MAST4: variants seen among roughly 807,000 people sequenced by gnomAD.
The protein encoded by MAST4 is microtubule associated serine/threonine kinase family member 4, also known as microtubule-associated serine/threonine-protein kinase 4.
MAST4 carries 89 observed loss-of-function variants against 162.7 expected under a neutral mutation model. That is an observed-to-expected ratio of 0.55 (90% CI 0.46 to 0.65). The LOEUF (loss-of-function observed/expected upper bound fraction) is 0.65. Ranked by LOEUF, MAST4 falls within the 30% of genes least tolerant of loss-of-function variation. The probability of loss-of-function intolerance (pLI) is 0.00; values close to 1 mark genes in which losing one functional copy is unlikely to be tolerated. For synonymous variants in MAST4, 1,479 were observed against 1,361.1 expected (o/e 1.09, Z -1.91); for missense variants, 3,153 against 3,374.0 (o/e 0.93, Z 1.62).
At chr5:66,930,874 C>A in intron 4 of MAST4, 1 of 450,060 alleles carries the variant, frequency 2.2e-6, no homozygotes, top group South Asian at 1.6e-5. Context: ...ATTGTTGTGG[C>A]AGAACTGAGC....
At chr5:66,632,197 A>C (rs1744835028) in intron 1 of MAST4, among the ~76,000 whole-genome samples, 1 of 152,200 alleles carries the variant, frequency 6.6e-6, no homozygotes, top group Admixed American at 6.5e-5. Flanking sequence ...TGATAGTTCT[A>C]CTGTTGTCAG....
At chr5:66,985,479 G>A (rs938171882) in intron 4 of MAST4, among the ~76,000 whole-genome samples, 6 of 152,304 alleles carry the variant, frequency 3.9e-5, no homozygotes, top group African/African-American at 1.4e-4. Flanking sequence ...AGGTACGGAA[G>A]AACTTTCCTT....
In MAST4 at chr5:66,596,920, G is replaced by T; in HGVS notation, c.265G>T (p.Glu89Ter). 1.5e-6 allele frequency: 2 copies of T among 1,322,548 alleles called. No homozygotes were observed. The highest frequency in any genetic ancestry group is 1.9e-6 in the Non-Finnish European group (2 of 1,036,254). The allele number at this position is 1,322,548 out of a possible 1,614,324, so 81.9% of individuals were successfully genotyped here. A position where few individuals can be genotyped will look rare whatever the true frequency, so the allele number is the denominator to read the frequency against. Reference sequence around the variant, plus strand: ...GTGGGCTCCGGCAAGCGTGCTGCTGGAGCGCGGAGTCCTTGCGCTGCCGCC... The same window carrying T: ...GTGGGCTCCGGCAAGCGTGCTGCTGTAGCGCGGAGTCCTTGCGCTGCCGCC... ...AAWAPASVLL[E>*]RGVLALPPPL... The change falls in exon 1 of 29, where the codon GAG becomes TAG. Residue 89 changes from glutamate (E) to a stop codon, truncating the protein, a stop_gained. Coordinates refer to ENST00000403625, the MANE Select transcript of MAST4 (RefSeq NM_001164664.2). LOFTEE classifies it high-confidence loss of function.
intron 3 of MAST4, chr5:66,792,548 T>A (rs1251072439): frequency 6.6e-6 from 1 of 152,480 alleles, no homozygotes; most frequent in Non-Finnish European, 1.5e-5. Context: ...AAGTGACTTT[T>A]TTTTTTAGTT....
intron 4 of MAST4, among the ~76,000 whole-genome samples, chr5:66,968,999 A>ACTG (rs1305548797): frequency 6.6e-6 from 1 of 152,226 alleles, no homozygotes; most frequent in Non-Finnish European, 1.5e-5. Context: ...TATCTTACAT[A>ACTG]CTGCTGTCTC....
intron 4 of MAST4, among the ~76,000 whole-genome samples, chr5:66,924,385 T>C (rs980325069): frequency 1.1e-4 from 17 of 152,082 alleles, no homozygotes; most frequent in African/African-American, 3.9e-4. Flanking sequence ...ACTTGGTCTT[T>C]GTAGAAAATA....
chr5:67,046,542 A>G (rs796091403), intron 4 of MAST4, among the ~76,000 whole-genome samples: 39 of 152,324 alleles, frequency 2.6e-4, no homozygotes, highest in African/African-American at 9.4e-4. Context: ...TATCTCACAC[A>G]GTACTTTGTA....
chr5:66,792,664 T>C (rs2888120), intron 3 of MAST4: 7,624 of 152,236 alleles, frequency 0.05, 288 homozygotes, highest in South Asian at 0.13. Flanking sequence ...CATCTTACAG[T>C]TGTGATTGGC....
intron 2 of MAST4, 65 bp from the exon 3 acceptor site, chr5:66,788,605 C>T (rs1755228386): frequency 7.4e-7 from 1 of 1,344,140 alleles, no homozygotes; most frequent in Admixed American, 1.8e-5. Context: ...CACCCCCACC[C>T]CCATTGCAAT....
At chr5:66,950,572 T>A (rs1301240941) in intron 4 of MAST4, among the ~76,000 whole-genome samples, 4 of 152,182 alleles carry the variant, frequency 2.6e-5, no homozygotes, top group Non-Finnish European at 5.9e-5. Context: ...TTTCACTTAG[T>A]GTAATGTCTT....
chr5:66,928,037 C>A (rs1162590595), intron 4 of MAST4, among the ~76,000 whole-genome samples: 1 of 152,132 alleles, frequency 6.6e-6, no homozygotes, highest in Non-Finnish European at 1.5e-5. Context: ...TTTATAAGGA[C>A]ACAGTTATAT....
intron 4 of MAST4, among the ~76,000 whole-genome samples, chr5:66,926,204 GGT>G (rs1764877674): frequency 6.6e-6 from 1 of 152,048 alleles, no homozygotes; most frequent in Non-Finnish European, 1.5e-5. Context: ...TGGTGGAGAT[GGT>G]GAGATAATAC....
chr5:67,165,385 A>G lies in MAST4; in HGVS notation c.6206A>G (p.Glu2069Gly), dbSNP rs1420434276. Residue 2069 changes from glutamate (E) to glycine (G), a missense_variant, in exon 29 of 29, where the codon GAG becomes GGG. Coordinates refer to ENST00000403625, the MANE Select transcript of MAST4 (RefSeq NM_001164664.2). ...CTGCACTCAGCTGGAATTCCCTGTGAGAAGGAGCTGGGCAAGGTGAGGCGT... is the reference window on the plus strand; with the variant it reads ...CTGCACTCAGCTGGAATTCCCTGTGGGAAGGAGCTGGGCAAGGTGAGGCGT... ...SSLHSAGIPC[E>G]KELGKVRRGV... The G allele has an allele frequency of 1.2e-6, 2 of 1,613,588 alleles. No homozygotes were observed. Among genetic ancestry groups the G allele is most frequent in the African/African-American group, 2.7e-5 (2 of 74,928 alleles).
intron 4 of MAST4, among the ~76,000 whole-genome samples, chr5:66,977,807 A>G (rs1293014176): frequency 6.6e-6 from 1 of 152,226 alleles, no homozygotes; most frequent in Admixed American, 6.5e-5. Flanking sequence ...TTGGCATAAA[A>G]TGTAGTTTAT....
At chr5:67,032,844 C>G (rs1487287611) in intron 4 of MAST4, among the ~76,000 whole-genome samples, 2 of 151,918 alleles carry the variant, frequency 1.3e-5, no homozygotes, top group Non-Finnish European at 2.9e-5. Context: ...CTTATAGTAA[C>G]TACAAATAAC....
At chr5:66,597,331 A>G (rs1485839687) in intron 1 of MAST4, among the ~76,000 whole-genome samples, 1 of 152,216 alleles carries the variant, frequency 6.6e-6, no homozygotes, top group Non-Finnish European at 1.5e-5. Flanking sequence ...CGATCTGGAC[A>G]TCTGGCGTGT....
chr5:66,633,889 A>G (rs1201579320), intron 1 of MAST4, among the ~76,000 whole-genome samples: 1 of 152,192 alleles, frequency 6.6e-6, no homozygotes, highest in Admixed American at 6.5e-5. Flanking sequence ...CAAGGCCGTC[A>G]GCTTGCACTG....
At chr5:66,598,963 A>G (rs1387612963) in intron 1 of MAST4, among the ~76,000 whole-genome samples, 2 of 152,182 alleles carry the variant, frequency 1.3e-5, no homozygotes, top group Middle Eastern at 3.2e-3. Context: ...ACATTTTGGA[A>G]AGTGGAATGA....
At chr5:66,829,215 C>T (rs1757433164) in intron 3 of MAST4, among the ~76,000 whole-genome samples, 4 of 151,672 alleles carry the variant, frequency 2.6e-5, no homozygotes, top group Admixed American at 1.3e-4. Context: ...GGAAGTCTGT[C>T]GAGGGGTAGC....
Sources: allele counts gnomAD v4.1 joint callset (sites outside exome capture counted in the v4.1 genomes callset), GRCh38; gene constraint gnomAD v4.1.1; transcripts MANE v1.5; gene names NCBI Gene and HGNC (gene_info 2026-07-23, HGNC 2026-07-21).